The following POU6F2 variants were observed in gnomAD, a reference collection of about 807,000 sequenced individuals.
POU6F2 encodes POU class 6 homeobox 2, also known as POU domain, class 6, transcription factor 2.
In POU6F2, 31 loss-of-function variants were observed where a neutral mutation model predicts 71.3. The observed-to-expected ratio is 0.43, with a 90% CI of 0.33 to 0.59. The LOEUF (loss-of-function observed/expected upper bound fraction) is 0.59. POU6F2 is among the 20% of genes least tolerant of loss of function. The pLI is 0.04. For synonymous variants in POU6F2, 347 were observed against 355.7 expected, an observed-to-expected ratio of 0.98 and a Z score of 0.27; for missense variants, 783 against 856.8, an observed-to-expected ratio of 0.91 and a Z score of 1.07.
intron 2 of POU6F2, among the ~76,000 whole-genome samples, chr7:39,105,260 CTT>C (rs1221142971): frequency 6.6e-6 from 1 of 152,118 alleles, no homozygotes; most frequent in Non-Finnish European, 1.5e-5. Flanking sequence ...ATTTCCAACT[CTT>C]TATGTCTACC....
At chr7:39,415,400 C>A (rs1787651756) in intron 6 of POU6F2, among the ~76,000 whole-genome samples, 1 of 152,188 alleles carries the variant, frequency 6.6e-6, no homozygotes, top group Non-Finnish European at 1.5e-5. Context: ...GCTCCTAAAT[C>A]TAGTCTGTTG....
intron 6 of POU6F2, among the ~76,000 whole-genome samples, chr7:39,418,225 C>T (rs1787727971): frequency 6.6e-6 from 1 of 152,140 alleles, no homozygotes; most frequent in Non-Finnish European, 1.5e-5. Context: ...CGGCATCTGG[C>T]ACATAAAGAC....
chr7:39,354,440 A>G (rs911060758), intron 5 of POU6F2, among the ~76,000 whole-genome samples: 1 of 152,208 alleles, frequency 6.6e-6, no homozygotes, highest in African/African-American at 2.4e-5. Flanking sequence ...ATGGATTGAA[A>G]TAATCTAAAG....
At chr7:39,198,454 A>C (rs981352360) in intron 2 of POU6F2, among the ~76,000 whole-genome samples, 7 of 152,210 alleles carry the variant, frequency 4.6e-5, no homozygotes, top group African/African-American at 1.7e-4. Flanking sequence ...CCCCTCACCC[A>C]AAGAAAGCTG....
chr7:39,378,460 G>T (rs950892922), intron 5 of POU6F2, among the ~76,000 whole-genome samples: 1 of 152,136 alleles, frequency 6.6e-6, no homozygotes, highest in Non-Finnish European at 1.5e-5. Context: ...GCATATTGGT[G>T]GCATGATGTG....
intron 4 of POU6F2, 46 bp downstream of exon 4, chr7:39,207,666 C>T: frequency 6.4e-7 from 1 of 1,551,710 alleles, no homozygotes; most frequent in Non-Finnish European, 8.8e-7. Flanking sequence ...ACCCGTTGGC[C>T]AGTATTCTCT....
At position 39,030,500 on chromosome 7, in the gene POU6F2, CTATATATATATATATATATATA is replaced by C. The variant is rs58426134; in HGVS notation, c.105+52465_105+52486del. ...TCCTGTATTGAACTTTCAAAAAATA[CTATATATATATATATATATATA>C]TATATATATATATATATATATACAC... On this transcript the variant is annotated intron_variant, in intron 1 of 9. Transcript: ENST00000518318. Among the ~76,000 whole-genome samples the C allele has an allele frequency of 2.6e-3, 121 of 46,244 alleles. 3 individuals carry two copies. The highest frequency in any genetic ancestry group is 0.033 in the Middle Eastern group (2 of 60). The allele number at this position is 46,244 out of a possible 152,430, so 30.3% of individuals were successfully genotyped here. A position where few individuals can be genotyped will look rare whatever the true frequency, so the allele number is the denominator to read the frequency against.
chr7:39,307,299 C>T (rs1355287937), intron 4 of POU6F2, among the ~76,000 whole-genome samples: 5 of 151,236 alleles, frequency 3.3e-5, no homozygotes, highest in Non-Finnish European at 7.4e-5. Flanking sequence ...AAAAGAGTAC[C>T]AAATTAAGAA....
chr7:39,275,616 A>G (rs1156276547), intron 4 of POU6F2, among the ~76,000 whole-genome samples: 11 of 152,236 alleles, frequency 7.2e-5, no homozygotes, highest in African/African-American at 2.4e-4. Context: ...CCAAAAGAAC[A>G]AAGCTGGAGG....
chr7:39,022,554 A>C (rs138976451), intron 1 of POU6F2, among the ~76,000 whole-genome samples: 349 of 152,136 alleles, frequency 2.3e-3, no homozygotes, highest in African/African-American at 8.0e-3. Flanking sequence ...TGACTTTTTA[A>C]ATTTTGTCAT....
intron 5 of POU6F2, among the ~76,000 whole-genome samples, chr7:39,379,906 G>A (rs1050736523): frequency 3.9e-5 from 6 of 152,138 alleles, no homozygotes; most frequent in Non-Finnish European, 7.4e-5. Flanking sequence ...TTCTGAAAGA[G>A]GGCATTTATA....
At chr7:39,334,287 A>G (rs988448227) in intron 4 of POU6F2, among the ~76,000 whole-genome samples, 4 of 152,198 alleles carry the variant, frequency 2.6e-5, no homozygotes, top group African/African-American at 9.7e-5. Flanking sequence ...CCAAGAATAA[A>G]GACAGAATTC....
chr7:39,460,587 G>A lies in POU6F2; in HGVS notation c.1530G>A (p.Leu510=), dbSNP rs1168530637. Residue 510 remains leucine (L), a synonymous_variant, in exon 9 of 10, where the codon CTG becomes CTA. Transcript: ENST00000518318. The surrounding 1 kb of genome is among the most constrained non-coding windows in gnomAD (Gnocchi z 4.4). The stretch of plus-strand genomic sequence containing the variant: ...CGGGTGAGGTGGATGGGGTTAATCT[G>A]GAGGAGATCCGAGAATTTGCCAAAG... ...TAAGEVDGVN[L]EEIREFAKAF... is the part of the protein sequence containing the mutation. 1 of 1,613,528 alleles carries A rather than the reference G, an allele frequency of 6.2e-7. No homozygotes were observed. Among genetic ancestry groups the A allele is most frequent in the East Asian group, 2.2e-5 (1 of 44,866 alleles).
At chr7:39,094,941 C>T (rs1228010009) in intron 2 of POU6F2, among the ~76,000 whole-genome samples, 1 of 152,112 alleles carries the variant, frequency 6.6e-6, no homozygotes, top group African/African-American at 2.4e-5. Flanking sequence ...TTTCAATATA[C>T]CTACATCATT....
intron 4 of POU6F2, among the ~76,000 whole-genome samples, chr7:39,239,512 G>A (rs28575461): frequency 0.24 from 36,960 of 151,968 alleles, 5,469 homozygotes; most frequent in African/African-American, 0.42. Flanking sequence ...GATACTGGGA[G>A]TATTATTAAT....
chr7:39,204,029 C>T (rs1253446517), intron 2 of POU6F2, among the ~76,000 whole-genome samples: 1 of 152,208 alleles, frequency 6.6e-6, no homozygotes, highest in Non-Finnish European at 1.5e-5. Flanking sequence ...GACTGTGCTA[C>T]ATTCCCTGCT....
chr7:39,294,658 A>G (rs1259811213), intron 4 of POU6F2, among the ~76,000 whole-genome samples: 1 of 151,994 alleles, frequency 6.6e-6, no homozygotes, highest in Non-Finnish European at 1.5e-5. Flanking sequence ...AGTCCACCAA[A>G]TGCACCCTGA....
intron 1 of POU6F2, among the ~76,000 whole-genome samples, chr7:39,050,467 T>C (rs1363254486): frequency 1.3e-5 from 2 of 152,152 alleles, no homozygotes; most frequent in African/African-American, 4.8e-5. Context: ...CTTGGACTTC[T>C]TCCAGTCTCC....
At chr7:38,978,574 A>C (rs1335689652) in intron 1 of POU6F2, among the ~76,000 whole-genome samples, 2 of 152,182 alleles carry the variant, frequency 1.3e-5, no homozygotes, top group Non-Finnish European at 1.5e-5. Context: ...TGTGTGATTG[A>C]GCCCGGTAAA....
Sources: allele counts gnomAD v4.1 joint callset (sites outside exome capture counted in the v4.1 genomes callset), GRCh38; gene constraint gnomAD v4.1.1; non-coding constraint Gnocchi (gnomAD v3.1); transcripts MANE v1.5; gene names NCBI Gene and HGNC (gene_info 2026-07-23, HGNC 2026-07-21).